The following PTPN13 variants were observed in gnomAD, a reference collection of about 807,000 sequenced individuals.
PTPN13 encodes protein tyrosine phosphatase non-receptor type 13, also known as tyrosine-protein phosphatase non-receptor type 13.
In PTPN13, 191 loss-of-function variants were observed where a neutral mutation model predicts 284.0. The ratio of observed to expected loss-of-function variants is 0.67; its 90% CI spans 0.60 to 0.76. The LOEUF (loss-of-function observed/expected upper bound fraction) is 0.76, where lower values mean the gene tolerates loss of function less well. PTPN13 is among the 30% of genes least tolerant of loss of function. PTPN13 has a pLI of 0.00. For synonymous variants in PTPN13, 986 were observed against 1,022.3 expected (o/e 0.96, Z 0.68); for missense variants, 2,797 against 2,939.9 (o/e 0.95, Z 1.12).
chr4:86,762,965 C>T lies in PTPN13; in HGVS notation c.3792C>T (p.Phe1264=). 6.2e-7 allele frequency: 1 copy of T among 1,613,888 alleles called. No individual in the cohort carries two copies. Among genetic ancestry groups the T allele is most frequent in the Non-Finnish European group, 8.5e-7 (1 of 1,179,836 alleles). The part of the protein sequence containing the change: ...ASLSQSQVNG[F]FASHLGDQTW... ...TGTCTCAAAGCCAGGTCAATGGTTT[C>T]TTTGCCAGCCATTTAGGTGACCAAA... Residue 1264 remains phenylalanine, a synonymous_variant, in exon 24 of 48, where the codon TTC becomes TTT. Coordinates refer to ENST00000411767, the MANE Select transcript of PTPN13 (RefSeq NM_080683.3).
intron 10 of PTPN13, among the ~76,000 whole-genome samples, chr4:86,722,869 T>G (rs1020897744): frequency 6.6e-6 from 1 of 152,174 alleles, no homozygotes; most frequent in Non-Finnish European, 1.5e-5. Context: ...TTCTCAGAAT[T>G]TTAGTAATAA....
At chr4:86,611,245 C>T (rs1351291322) in intron 1 of PTPN13, among the ~76,000 whole-genome samples, 1 of 152,228 alleles carries the variant, frequency 6.6e-6, no homozygotes, top group Non-Finnish European at 1.5e-5. Context: ...TCCAGACATT[C>T]TTCCCCATAG....
chr4:86,737,743 G>C (rs975028537), intron 15 of PTPN13, among the ~76,000 whole-genome samples: 1 of 143,804 alleles, frequency 7.0e-6, no homozygotes, highest in Non-Finnish European at 1.5e-5. Flanking sequence ...ACTTTTTTTT[G>C]TTTCTGAGAC....
intron 24 of PTPN13, 109 bp downstream of exon 24, chr4:86,763,299 AAG>A (rs1467774537): frequency 3.1e-6 from 3 of 978,936 alleles, no homozygotes; most frequent in East Asian, 4.9e-5. Context: ...TTCTGGAAAA[AAG>A]AAATAGTTTA....
intron 45 of PTPN13, among the ~76,000 whole-genome samples, chr4:86,809,014 G>C (rs1744937955): frequency 6.6e-6 from 1 of 152,146 alleles, no homozygotes; most frequent in Admixed American, 6.5e-5. Flanking sequence ...CAGTCAGAAA[G>C]AGCCAGTACA....
At chr4:86,688,889 T>A in intron 4 of PTPN13, 116 bp from the exon 5 acceptor site, 1 of 707,526 alleles carries the variant, frequency 1.4e-6, no homozygotes, top group Non-Finnish European at 2.2e-6. Flanking sequence ...ATTTATTTCC[T>A]CCAAGTATGT....
intron 35 of PTPN13, among the ~76,000 whole-genome samples, chr4:86,777,185 G>C (rs753516206): frequency 2.0e-5 from 3 of 152,150 alleles, no homozygotes; most frequent in Non-Finnish European, 1.5e-5. Flanking sequence ...TTAACGTTCT[G>C]AAGGTCTGAA....
intron 1 of PTPN13, among the ~76,000 whole-genome samples, chr4:86,598,818 A>G (rs1764048184): frequency 6.6e-6 from 1 of 152,240 alleles, no homozygotes; most frequent in African/African-American, 2.4e-5. Flanking sequence ...AGGCTAGAAT[A>G]CAGTGGTGTG....
At chr4:86,672,875 G>GCAAT (rs1372949460) in intron 3 of PTPN13, among the ~76,000 whole-genome samples, 12 of 152,206 alleles carry the variant, frequency 7.9e-5, no homozygotes, top group Non-Finnish European at 1.5e-5. Context: ...ATCTGTAACA[G>GCAAT]CAATCCTCAT....
chr4:86,774,578 G>A (rs200614785), intron 33 of PTPN13, 47 bp downstream of exon 33: 91 of 1,485,540 alleles, frequency 6.1e-5, no homozygotes, highest in Non-Finnish European at 7.9e-5. Flanking sequence ...TGTAGACAAA[G>A]AGCAAGCCAG....
intron 10 of PTPN13, among the ~76,000 whole-genome samples, chr4:86,728,818 A>T (rs1335417921): frequency 6.8e-6 from 1 of 147,342 alleles, no homozygotes; most frequent in Admixed American, 6.8e-5. Context: ...GTGTCTTTTA[A>T]TTGGGGCATT....
chr4:86,744,593 A>G (rs1333762106), intron 16 of PTPN13, among the ~76,000 whole-genome samples: 1 of 152,190 alleles, frequency 6.6e-6, no homozygotes, highest in East Asian at 1.9e-4. Flanking sequence ...GTCCCATAAG[A>G]TTATAATGTT....
Position 86,780,469 on chromosome 4 carries a change from A to G in PTPN13, c.5959A>G (p.Asn1987Asp), listed in dbSNP as rs201207003. The change falls in exon 36 of 48, where the codon AAT becomes GAT. Residue 1987 changes from asparagine (N) to aspartate (D), a missense_variant. Asn to Asp is a conservative substitution (Grantham distance 23, BLOSUM62 1). Coordinates refer to ENST00000411767, the MANE Select transcript of PTPN13 (RefSeq NM_080683.3). ...AVSAPKSTKG[N>D]GSYSVGSCSQ... ...TTCAGCTCCAAAGTCAACCAAAGGC[A>G]ATGGTAAGGATATATTCATTTTACT... The G allele has an allele frequency of 6.3e-7, 1 of 1,594,756 alleles. No homozygotes were observed. The highest frequency in any genetic ancestry group is 1.3e-5 in the African/African-American group (1 of 74,648).
chr4:86,670,001 C>T (rs1314093787), intron 2 of PTPN13, among the ~76,000 whole-genome samples: 1 of 151,284 alleles, frequency 6.6e-6, no homozygotes, highest in Admixed American at 6.6e-5. Flanking sequence ...TGGAGATTGG[C>T]AGTAGTGAGC....
chr4:86,599,512 C>T (rs1177749846), intron 1 of PTPN13, among the ~76,000 whole-genome samples: 1 of 152,012 alleles, frequency 6.6e-6, no homozygotes, highest in Non-Finnish European at 1.5e-5. Context: ...TTACAACTAG[C>T]CATATTTTAA....
chr4:86,702,979 C>G (rs1157085122), intron 7 of PTPN13, among the ~76,000 whole-genome samples: 1 of 151,952 alleles, frequency 6.6e-6, no homozygotes, highest in Non-Finnish European at 1.5e-5. Flanking sequence ...TGTCCTGTTA[C>G]TTAAGTTTCA....
Position 86,671,753 on chromosome 4 carries a change from A to G in PTPN13, c.116-612A>G, listed in dbSNP as rs906747997. Among the ~76,000 whole-genome samples, 7 of 152,242 alleles carry G rather than the reference A, an allele frequency of 4.6e-5. No homozygotes were observed. The South Asian group carries it at 1.0e-3, about 22-fold the overall frequency. ...TAAAATCTAAATTCAAGCAAAATAT[A>G]TACTTCGACTCAAGACATTTCATTG... On this transcript the variant is annotated intron_variant, in intron 2 of 47. Transcript: ENST00000411767.
At chr4:86,787,480 T>C (rs1742068236) in intron 40 of PTPN13, among the ~76,000 whole-genome samples, 1 of 150,730 alleles carries the variant, frequency 6.6e-6, no homozygotes, top group African/African-American at 2.4e-5. Flanking sequence ...TAATCCCAGC[T>C]ACTCGGGAGG....
rs932643719 is a variant in PTPN13 at position 86,796,762 on chromosome 4, T to C, written c.6346-112T>C. 30 of 689,444 alleles carry C rather than the reference T, an allele frequency of 4.4e-5. No homozygotes were observed. The African/African-American group carries it at 4.4e-4, about 10-fold the overall frequency. 42.7% of individuals were successfully genotyped at this position (689,444 alleles called of 1,614,324 possible). A position where few individuals can be genotyped will look rare whatever the true frequency, so the allele number is the denominator to read the frequency against. ...TTGAATGTCATATGTGTCTTTGTAA[T>C]ATAAGGATGAACAATAACAGTAAAT... On this transcript the variant is annotated intron_variant, in intron 40 of 47. Coordinates refer to ENST00000411767, the MANE Select transcript of PTPN13 (RefSeq NM_080683.3).
Sources: gnomAD v4.1 joint callset for allele counts (sites outside exome capture counted in the v4.1 genomes callset) on GRCh38, gnomAD v4.1.1 for gene constraint, MANE v1.5 for transcripts, NCBI Gene and HGNC (gene_info 2026-07-23, HGNC 2026-07-21) for gene names.